SNAPIN: variants seen among roughly 807,000 people sequenced by gnomAD.
SNAPIN encodes the protein SNAP associated protein, also known as SNARE-associated protein Snapin.
In SNAPIN, 16 loss-of-function variants were observed where a neutral mutation model predicts 15.9. The ratio of observed to expected loss-of-function variants is 1.01; its 90% CI spans 0.68 to 1.53. The LOEUF is 1.53. Ranked by LOEUF, SNAPIN falls within the 40% of genes most tolerant of loss-of-function variation. The pLI is 0.00. For missense variants in SNAPIN, 186 were observed against 180.1 expected (o/e 1.03, Z -0.19); for synonymous variants, 83 against 76.2 (o/e 1.09, Z -0.46).
At position 153,661,278 on chromosome 1, in the gene SNAPIN, C is replaced by G. The variant is rs760401847; in HGVS notation, c.388C>G (p.Pro130Ala). The G allele has an allele frequency of 1.1e-5, 17 of 1,613,196 alleles. No homozygotes were observed. In the African/African-American group the frequency reaches 2.1e-4, roughly 20 times the overall value. ...AGCAATGCTGGATTCGGGAATTTAC[C>G]CCCCTGGCTCCCCAGGCAAATAACA... ...RRAMLDSGIY[P>A]PGSPGK The change falls in exon 4 of 4, where the codon CCC becomes GCC. Residue 130 changes from proline to alanine, a missense_variant. Coordinates refer to ENST00000368685, the MANE Select transcript of SNAPIN (RefSeq NM_012437.6).
chr1:153,659,073 T>C (rs1571330036), intron 1 of SNAPIN, 65 bp from the exon 2 acceptor site: 21 of 1,583,720 alleles, frequency 1.3e-5, no homozygotes, highest in Non-Finnish European at 1.6e-5. Flanking sequence ...GGTAAATACG[T>C]AGGGGAGTTC....
chr1:153,659,961 C>T (rs1557949009), intron 3 of SNAPIN, among the ~76,000 whole-genome samples: 2 of 152,136 alleles, frequency 1.3e-5, no homozygotes, highest in Non-Finnish European at 2.9e-5. Flanking sequence ...TCTGGAACTC[C>T]TGGGCTCAAG....
At chr1:153,659,722 A>G (rs1208323864) in intron 3 of SNAPIN, among the ~76,000 whole-genome samples, 156 bp downstream of exon 3, 2 of 152,010 alleles carry the variant, frequency 1.3e-5, no homozygotes, top group African/African-American at 2.4e-5. Flanking sequence ...CATTCTCACT[A>G]TTCAGTTGCT....
Position 153,658,898 on chromosome 1 carries a change from G to A in SNAPIN, c.143+12G>A, listed in dbSNP as rs763122220. 2 of 1,609,536 alleles carry A rather than the reference G, an allele frequency of 1.2e-6. No homozygotes were observed. Among genetic ancestry groups the A allele is most frequent in the Admixed American group, 1.7e-5 (1 of 58,230 alleles). On this transcript the variant is annotated intron_variant, in intron 1 of 3. Coordinates refer to ENST00000368685, the MANE Select transcript of SNAPIN (RefSeq NM_012437.6). ...GTACACGCCGTCAGGTGCCCGGGAGGGAAGTTGGGGGCGGGGCCTGTCTCT... is the reference window on the plus strand; with the variant it reads ...GTACACGCCGTCAGGTGCCCGGGAGAGAAGTTGGGGGCGGGGCCTGTCTCT...
chr1:153,660,154 C>T lies in SNAPIN; in HGVS notation c.309+588C>T, dbSNP rs1669110192. Among the ~76,000 whole-genome samples the T allele has an allele frequency of 1.3e-5, 2 of 152,032 alleles. 1 individual carries two copies. Among genetic ancestry groups the T allele is most frequent in the African/African-American group, 4.8e-5 (2 of 41,398 alleles). Reference sequence around the variant, plus strand: ...CCATCCACCTCAGCCTCCCAAGTAGCTGGGACTACAGGCATGCACCACCAT... The same window carrying T: ...CCATCCACCTCAGCCTCCCAAGTAGTTGGGACTACAGGCATGCACCACCAT... On this transcript the variant is annotated intron_variant, in intron 3 of 3. Coordinates refer to ENST00000368685, the MANE Select transcript of SNAPIN (RefSeq NM_012437.6).
intron 1 of SNAPIN, 28 bp downstream of exon 1, chr1:153,658,914 G>A (rs1476085553): frequency 1.2e-6 from 2 of 1,608,488 alleles, no homozygotes; most frequent in East Asian, 4.5e-5. Flanking sequence ...TGGGGGCGGG[G>A]CCTGTCTCTC....
intron 3 of SNAPIN, among the ~76,000 whole-genome samples, chr1:153,660,854 A>C (rs1393621793): frequency 6.8e-6 from 1 of 146,454 alleles, no homozygotes; most frequent in Non-Finnish European, 1.5e-5. Context: ...GCACGATCTC[A>C]TTTCATTGCA....
chr1:153,660,651 GAAAAAAAAA>G (rs936959398), intron 3 of SNAPIN, among the ~76,000 whole-genome samples: 3 of 112,542 alleles, frequency 2.7e-5, no homozygotes, highest in African/African-American at 7.1e-5. Context: ...TCCGTCTCGG[GAAAAAAAAA>G]AAAAAAAAAA....
chr1:153,661,648 A>G lies in SNAPIN; in HGVS notation c.*347A>G, dbSNP rs1669167322. ...TCCTTTGTATGTTACATGCCTGGTT[A>G]CATGGGCCTGGACAGCATGTCCTCT... On this transcript the variant is annotated 3_prime_UTR_variant, in exon 4 of 4. Transcript: ENST00000368685. 1 of 198,258 alleles carries G rather than the reference A, an allele frequency of 5.0e-6. No individual in the cohort carries two copies. The highest frequency in any genetic ancestry group is 9.0e-5 in the South Asian group (1 of 11,094). 12.3% of individuals were successfully genotyped at this position (198,258 alleles called of 1,614,324 possible). A position where few individuals can be genotyped will look rare whatever the true frequency, so the allele number is the denominator to read the frequency against.
intron 3 of SNAPIN, 32 bp downstream of exon 3, chr1:153,659,598 T>C: frequency 1.3e-6 from 2 of 1,498,748 alleles, no homozygotes; most frequent in Middle Eastern, 1.7e-4. Context: ...AGTGATTCTT[T>C]GCCCTTTTTT....
chr1:153,660,318 C>A (rs543048924), intron 3 of SNAPIN, among the ~76,000 whole-genome samples: 12 of 150,042 alleles, frequency 8.0e-5, no homozygotes, highest in African/African-American at 2.9e-4. Flanking sequence ...CCACTGCACC[C>A]GGCCTGCCTG....
chr1:153,661,151 C>A, intron 3 of SNAPIN, 49 bp from the exon 4 acceptor site: 1 of 1,506,790 alleles, frequency 6.6e-7, no homozygotes, highest in South Asian at 1.1e-5. Flanking sequence ...CACTTACACT[C>A]TCAAGCCTTT....
At chr1:153,660,113 C>T (rs573812734) in intron 3 of SNAPIN, among the ~76,000 whole-genome samples, 1 of 152,140 alleles carries the variant, frequency 6.6e-6, no homozygotes, top group Non-Finnish European at 1.5e-5. Flanking sequence ...GCCTCTACCT[C>T]CCAGGCTCAA....
At chr1:153,660,329 G>A (rs1196692429) in intron 3 of SNAPIN, among the ~76,000 whole-genome samples, 1 of 118,384 alleles carries the variant, frequency 8.4e-6, no homozygotes. Flanking sequence ...GGCCTGCCTG[G>A]CCTTTTTTTT....
chr1:153,659,794 C>T (rs901393624), intron 3 of SNAPIN, among the ~76,000 whole-genome samples: 1 of 152,114 alleles, frequency 6.6e-6, no homozygotes, highest in African/African-American at 2.4e-5. Flanking sequence ...GGCTGGAGTG[C>T]GGTGGCTCAA....
At chr1:153,659,798 G>A (rs1486451651) in intron 3 of SNAPIN, among the ~76,000 whole-genome samples, 1 of 152,102 alleles carries the variant, frequency 6.6e-6, no homozygotes, top group African/African-American at 2.4e-5. Context: ...GGAGTGCGGT[G>A]GCTCAATCTC....
In SNAPIN at chr1:153,659,746, T is replaced by TTG. The variant is rs67464033; in HGVS notation, c.309+195_309+196dup. ...TATTCAGTTGCTGCCATTTACATTC[T>TTG]TGTGTGTGTGTGTGTGACAGTCTCC... is the stretch of plus-strand genomic sequence containing the variant. On this transcript the variant is annotated intron_variant, in intron 3 of 3. Transcript: ENST00000368685. 3.2e-3 allele frequency among the ~76,000 whole-genome samples: 492 copies of TTG among 151,578 alleles called. 1 individual carries two copies. The highest frequency in any genetic ancestry group is 0.011 in the African/African-American group (439 of 41,360).
chr1:153,660,414 C>T (rs532571130), intron 3 of SNAPIN, among the ~76,000 whole-genome samples: 13 of 150,820 alleles, frequency 8.6e-5, no homozygotes, highest in Admixed American at 3.3e-4. Flanking sequence ...TTTGGGAGGC[C>T]GAGGTGGACA....
chr1:153,660,863 C>T (rs1669136206), intron 3 of SNAPIN, among the ~76,000 whole-genome samples: 1 of 149,926 alleles, frequency 6.7e-6, no homozygotes, highest in Admixed American at 6.7e-5. Context: ...CATTTCATTG[C>T]AACCTCCACC....
Sources: allele counts gnomAD v4.1 joint callset (sites outside exome capture counted in the v4.1 genomes callset), GRCh38; gene constraint gnomAD v4.1.1; transcripts MANE v1.5; gene names NCBI Gene and HGNC (gene_info 2026-07-23, HGNC 2026-07-21).